Variants in RBFOX1 observed in about 807,000 individuals in gnomAD.
RBFOX1 encodes the protein RNA binding fox-1 homolog 1.
In RBFOX1, 8 loss-of-function variants were observed where a neutral mutation model predicts 57.7. That is an observed-to-expected ratio of 0.14 (90% confidence interval 0.08 to 0.25). RBFOX1 has a LOEUF of 0.25. Among genes scored for constraint, RBFOX1 ranks in the 10% least tolerant of loss-of-function variants. The pLI is 1.00. For missense variants in RBFOX1, 611 were observed against 548.5 expected (o/e 1.11, Z -1.14); for synonymous variants, 326 against 222.4 (o/e 1.47, Z -4.15).
chr16:6,662,120 G>T (rs1009142433), intron 3 of RBFOX1, among the ~76,000 whole-genome samples: 1 of 76,894 alleles, frequency 1.3e-5, no homozygotes, highest in South Asian at 4.5e-4. Context: ...GGTGGTTGCC[G>T]AGGGCTGGGG....
chr16:6,278,247 C>G (rs1440876615), intron 1 of RBFOX1, among the ~76,000 whole-genome samples: 1 of 151,838 alleles, frequency 6.6e-6, no homozygotes, highest in African/African-American at 2.4e-5. Context: ...CAGGCAATTT[C>G]CTGCCCTAGT....
At position 7,132,277 on chromosome 16, in the gene RBFOX1, G is replaced by A. The variant is rs115081215; in HGVS notation, c.27+80179G>A. 1.9e-3 allele frequency among the ~76,000 whole-genome samples: 286 copies of A among 151,988 alleles called. 2 individuals are homozygous for A. Among genetic ancestry groups the A allele is most frequent in the African/African-American group, 6.5e-3 (270 of 41,446 alleles). Reference sequence around the variant, plus strand: ...ATTACAGTCATGAGATACCCTGTCCGGCCAGAGTCCAAGTTCATCATTGCA... The same window carrying A: ...ATTACAGTCATGAGATACCCTGTCCAGCCAGAGTCCAAGTTCATCATTGCA... On this transcript the variant is annotated intron_variant, in intron 4 of 15. Coordinates refer to ENST00000550418, the MANE Select transcript of RBFOX1 (RefSeq NM_018723.4).
intron 2 of RBFOX1, among the ~76,000 whole-genome samples, chr16:6,506,945 G>C (rs1363281676): frequency 6.6e-6 from 1 of 152,174 alleles, no homozygotes; most frequent in Non-Finnish European, 1.5e-5. Context: ...ACCGTGCCCA[G>C]CCTTAGTAGT....
intron 2 of RBFOX1, among the ~76,000 whole-genome samples, chr16:6,336,403 T>C (rs2083758462): frequency 6.6e-6 from 1 of 151,280 alleles, no homozygotes; most frequent in Admixed American, 6.6e-5. Flanking sequence ...TGTGATTTAT[T>C]TTTAGTCTCA....
intron 4 of RBFOX1, among the ~76,000 whole-genome samples, chr16:7,342,504 G>A (rs576827499): frequency 6.6e-6 from 1 of 152,298 alleles, no homozygotes; most frequent in South Asian, 2.1e-4. Context: ...TGCCAGCAGT[G>A]TTGTCTTGGT....
At chr16:7,408,915 T>G (rs1451869539) in intron 4 of RBFOX1, among the ~76,000 whole-genome samples, 1 of 152,186 alleles carries the variant, frequency 6.6e-6, no homozygotes, top group Non-Finnish European at 1.5e-5. Context: ...TTGGAAGCGC[T>G]TGGCACCTTT....
chr16:5,867,282 C>T, intron 3 of RBFOX1: 1 of 1,185,848 alleles, frequency 8.4e-7, no homozygotes, highest in Non-Finnish European at 1.1e-6. Context: ...ATACTAATGT[C>T]TTTTTTTGTT....
At chr16:7,521,230 A>T (rs1215186995) in intron 5 of RBFOX1, among the ~76,000 whole-genome samples, 1 of 152,208 alleles carries the variant, frequency 6.6e-6, no homozygotes, top group African/African-American at 2.4e-5. Context: ...TCCTAAGAAG[A>T]GGCCAGTATG....
At chr16:7,352,124 C>T (rs1259060205) in intron 4 of RBFOX1, among the ~76,000 whole-genome samples, 1 of 152,216 alleles carries the variant, frequency 6.6e-6, no homozygotes, top group African/African-American at 2.4e-5. Context: ...GTCAAAGCAC[C>T]CCACGGCAGA....
chr16:5,969,298 C>CTTTTTTTTTTTTTTTTTTTTTT (rs71142659), intron 4 of RBFOX1, among the ~76,000 whole-genome samples: 3 of 83,750 alleles, frequency 3.6e-5, no homozygotes, highest in Non-Finnish European at 6.3e-5. Context: ...TTCGGTTGTT[C>CTTTTTTTTTTTTTTTTTTTTTT]TTTTTTTTTT....
intron 2 of RBFOX1, among the ~76,000 whole-genome samples, chr16:6,361,253 A>G (rs2088448897): frequency 6.6e-6 from 1 of 152,166 alleles, no homozygotes. Flanking sequence ...CACTTGAAGC[A>G]CTGCTCAGCA....
chr16:6,043,360 G>T (rs1343857743), intron 1 of RBFOX1, among the ~76,000 whole-genome samples: 1 of 152,116 alleles, frequency 6.6e-6, no homozygotes, highest in Non-Finnish European at 1.5e-5. Context: ...AGACAGCTTT[G>T]CAGGGTCATT....
chr16:6,790,235 A>AATG (rs2154247339), intron 3 of RBFOX1, among the ~76,000 whole-genome samples: 1 of 149,750 alleles, frequency 6.7e-6, no homozygotes, highest in South Asian at 2.1e-4. Context: ...GCCAGGCTGG[A>AATG]ATGCAGTGGT....
intron 1 of RBFOX1, among the ~76,000 whole-genome samples, chr16:5,409,228 G>A (rs760755059): frequency 1.3e-5 from 2 of 152,216 alleles, no homozygotes; most frequent in South Asian, 4.1e-4. Context: ...AGAAGGCGAT[G>A]GCTTGGCCTT....
intron 2 of RBFOX1, among the ~76,000 whole-genome samples, chr16:5,560,710 A>G (rs2045859619): frequency 6.6e-6 from 1 of 152,054 alleles, no homozygotes; most frequent in Non-Finnish European, 1.5e-5. Flanking sequence ...TTTTTTCTTA[A>G]CCTACCAAAG....
chr16:7,457,420 G>A (rs572873959), intron 4 of RBFOX1, among the ~76,000 whole-genome samples: 5 of 152,270 alleles, frequency 3.3e-5, no homozygotes, highest in Admixed American at 2.0e-4. Flanking sequence ...TGGCATTAGT[G>A]TTGCGTGGAT....
chr16:6,800,717 A>C (rs1405968163), intron 3 of RBFOX1, among the ~76,000 whole-genome samples: 1 of 152,184 alleles, frequency 6.6e-6, no homozygotes, highest in Non-Finnish European at 1.5e-5. Context: ...TTTCCTAAAA[A>C]GACTCCTTTT....
At chr16:5,954,828 A>G (rs57104100) in intron 4 of RBFOX1, among the ~76,000 whole-genome samples, 7,081 of 151,892 alleles carry the variant, frequency 0.047, 540 homozygotes, top group African/African-American at 0.16. Context: ...TATTTCTAGG[A>G]TGTTATGGAG....
intron 4 of RBFOX1, among the ~76,000 whole-genome samples, chr16:7,346,593 C>T (rs992776386): frequency 2.0e-5 from 3 of 151,798 alleles, no homozygotes; most frequent in East Asian, 2.0e-4. Context: ...ATAGAAGTCT[C>T]GTTGCTGACA....
Sources: allele counts gnomAD v4.1 joint callset (sites outside exome capture counted in the v4.1 genomes callset), GRCh38; gene constraint gnomAD v4.1.1; transcripts MANE v1.5; gene names NCBI Gene and HGNC (gene_info 2026-07-23, HGNC 2026-07-21).